GPHN: variants seen among roughly 807,000 people sequenced by gnomAD.
GPHN encodes gephyrin.
GPHN carries 17 observed loss-of-function variants against 95.5 expected under a neutral mutation model. The observed-to-expected ratio is 0.18, with a 90% CI of 0.12 to 0.27. The LOEUF is 0.27. Among genes scored for constraint, GPHN ranks in the 10% least tolerant of loss-of-function variants. The probability of loss-of-function intolerance (pLI) is 1.00; values close to 1 mark genes in which losing one functional copy is unlikely to be tolerated. For synonymous variants in GPHN, 320 were observed against 322.5 expected (o/e 0.99, Z 0.08); for missense variants, 660 against 978.1 (o/e 0.67, Z 4.34).
intron 1 of GPHN, among the ~76,000 whole-genome samples, chr14:66,628,808 C>T (rs1472397796): frequency 6.6e-6 from 1 of 151,422 alleles, no homozygotes; most frequent in Non-Finnish European, 1.5e-5. Flanking sequence ...AGCTGCAATC[C>T]CAGTGCTTTG....
At chr14:67,553,605 G>A in the GPHN span, among the ~76,000 whole-genome samples, 8 of 152,210 alleles carry the variant, frequency 5.3e-5, no homozygotes, top group African/African-American at 1.9e-4. Context: ...GTCAAAGAGG[G>A]AAGGGTTATG....
At chr14:67,624,621 T>C in the GPHN span, among the ~76,000 whole-genome samples, 1 of 152,144 alleles carries the variant, frequency 6.6e-6, no homozygotes, top group East Asian at 1.9e-4. Context: ...ACTAGGGAGA[T>C]GGTGCTGAAC....
chr14:67,703,276 G>T, the GPHN span, among the ~76,000 whole-genome samples: 1 of 152,148 alleles, frequency 6.6e-6, no homozygotes, highest in Non-Finnish European at 1.5e-5. Flanking sequence ...TCTAATGAAG[G>T]CTGTGAGCCA....
chr14:67,709,013 G>A, the GPHN span, among the ~76,000 whole-genome samples: 2 of 152,122 alleles, frequency 1.3e-5, no homozygotes, highest in African/African-American at 2.4e-5. Flanking sequence ...GGATGGTCTC[G>A]ATCTTTTGAC....
chr14:67,408,295 T>TAAAATAAAATA, the GPHN span, among the ~76,000 whole-genome samples: 1 of 116,716 alleles, frequency 8.6e-6, no homozygotes, highest in Non-Finnish European at 1.7e-5. Context: ...TCAAAATAAA[T>TAAAATAAAATA]AAATAAAATA....
chr14:67,624,306 C>A, the GPHN span, among the ~76,000 whole-genome samples: 1 of 152,120 alleles, frequency 6.6e-6, no homozygotes, highest in African/African-American at 2.4e-5. Context: ...TATAGTGACA[C>A]CATTGAAAAT....
At chr14:67,199,225 G>A in the GPHN span, 1 of 1,605,618 alleles carries the variant, frequency 6.2e-7, no homozygotes, top group Middle Eastern at 1.7e-4. Flanking sequence ...CAGCACCAAG[G>A]CTATGACTTT....
At chr14:67,494,471 C>T in the GPHN span, among the ~76,000 whole-genome samples, 1 of 152,196 alleles carries the variant, frequency 6.6e-6, no homozygotes, top group Admixed American at 6.5e-5. Context: ...AGAGAAGCAG[C>T]TGTGGGGGCT....
chr14:67,205,133 A>G, the GPHN span: 1 of 1,504,660 alleles, frequency 6.6e-7, no homozygotes, highest in South Asian at 1.3e-5. Flanking sequence ...ATCGAGAACT[A>G]GAGGGGTTAC....
intron 8 of GPHN, among the ~76,000 whole-genome samples, chr14:66,957,655 G>A (rs1245383513): frequency 6.6e-6 from 1 of 152,064 alleles, no homozygotes; most frequent in African/African-American, 2.4e-5. Context: ...GTATTCTGCT[G>A]GTATCAGATA....
At chr14:67,336,808 C>A in the GPHN span, 1 of 454,690 alleles carries the variant, frequency 2.2e-6, no homozygotes, top group Admixed American at 2.4e-5. Context: ...TGTTGGTTTT[C>A]CAGTCATTAC....
At chr14:67,232,088 T>C in the GPHN span, among the ~76,000 whole-genome samples, 7 of 152,220 alleles carry the variant, frequency 4.6e-5, no homozygotes, top group Non-Finnish European at 1.0e-4. Context: ...CTTCAAGGGA[T>C]GGAGCCTATT....
intron 8 of GPHN, among the ~76,000 whole-genome samples, chr14:66,936,714 A>G (rs1370054441): frequency 6.6e-6 from 1 of 152,212 alleles, no homozygotes; most frequent in African/African-American, 2.4e-5. Context: ...AGAACTAGTA[A>G]GCTGTTACAC....
chr14:66,850,091 A>G (rs1007700802), intron 4 of GPHN, among the ~76,000 whole-genome samples: 2 of 152,076 alleles, frequency 1.3e-5, no homozygotes, highest in Non-Finnish European at 2.9e-5. Context: ...TTCTTATGTA[A>G]TGTTCACTGT....
rs768057286 is a variant in GPHN at position 66,922,717 on chromosome 14, C to T, written c.508C>T (p.Arg170Cys). ...PALPHAIDLL[R>C]DAIVKVKEVH... ...TCTACCTCATGCCATTGACCTTTTA[C>T]GTGATGCCATTGTAAAAGTAAAGGA... Residue 170 changes from arginine to cysteine, a missense_variant, in exon 7 of 23, where the codon CGT (arginine) becomes TGT (cysteine). Transcript: ENST00000478722. 1 of 1,613,438 alleles carries T rather than the reference C, an allele frequency of 6.2e-7. No homozygotes were observed.
At chr14:67,387,047 A>G in the GPHN span, 1 of 272,852 alleles carries the variant, frequency 3.7e-6, no homozygotes, top group Non-Finnish European at 6.8e-6. Context: ...AACAAAGGGA[A>G]CCTACTTTGG....
chr14:66,760,609 C>T (rs2058721864), intron 2 of GPHN: 1 of 392,080 alleles, frequency 2.6e-6, no homozygotes, highest in Non-Finnish European at 4.9e-6. Context: ...ACAATGATTG[C>T]AAGGTGTTCA....
intron 2 of GPHN, among the ~76,000 whole-genome samples, chr14:66,721,339 A>G (rs1222559424): frequency 1.3e-5 from 2 of 152,234 alleles, no homozygotes; most frequent in Non-Finnish European, 2.9e-5. Flanking sequence ...GCTGTGGCTA[A>G]TGATATTTTA....
At chr14:66,985,150 T>A (rs2153600328) in intron 9 of GPHN, among the ~76,000 whole-genome samples, 1 of 152,258 alleles carries the variant, frequency 6.6e-6, no homozygotes, top group Admixed American at 6.5e-5. Context: ...ATTGTTTAAT[T>A]GGGAATCTCA....
Sources: gnomAD v4.1 joint callset for allele counts (sites outside exome capture counted in the v4.1 genomes callset) on GRCh38, gnomAD v4.1.1 for gene constraint, MANE v1.5 for transcripts, NCBI Gene and HGNC (gene_info 2026-07-23, HGNC 2026-07-21) for gene names.